Variants in KIAA2012 observed in about 807,000 individuals in gnomAD.
KIAA2012 encodes the protein KIAA2012.
KIAA2012 carries 125 observed loss-of-function variants against 150.6 expected under a neutral mutation model. The ratio of observed to expected loss-of-function variants is 0.83; its 90% CI spans 0.72 to 0.96. KIAA2012 has a LOEUF of 0.96. Among genes scored for constraint, KIAA2012 ranks in the 40% least tolerant of loss-of-function variants. KIAA2012 has a pLI of 0.00. For missense variants in KIAA2012, 1,219 were observed against 1,354.9 expected (o/e 0.90, Z 1.57); for synonymous variants, 462 against 504.7 (o/e 0.92, Z 1.13).
intron 16 of KIAA2012, among the ~76,000 whole-genome samples, chr2:202,186,056 G>A (rs1692220995): frequency 6.6e-6 from 1 of 152,194 alleles, no homozygotes; most frequent in Non-Finnish European, 1.5e-5. Flanking sequence ...CACAGTAACT[G>A]ATATTGCTGC....
At chr2:202,129,727 T>G (rs1216224280) in intron 12 of KIAA2012, among the ~76,000 whole-genome samples, 1 of 151,992 alleles carries the variant, frequency 6.6e-6, no homozygotes, top group African/African-American at 2.4e-5. Context: ...TCTCAGCACT[T>G]TGGGAGGCCA....
rs186876303 is a variant in KIAA2012 at position 202,097,047 on chromosome 2, G to A, written c.686-388G>A. Among the ~76,000 whole-genome samples the A allele has an allele frequency of 5.3e-4, 81 of 152,248 alleles. 1 individual carries two copies. Among genetic ancestry groups the A allele is most frequent in the African/African-American group, 1.8e-3 (74 of 41,556 alleles). On this transcript the variant is annotated intron_variant, in intron 4 of 23. Coordinates refer to ENST00000498697, the MANE Select transcript of KIAA2012 (RefSeq NM_001277372.4). ...GACAACAGAGCAGGCTGCAGGTCAC[G>A]CCACCATAATCACAGCACTGTCATC...
In KIAA2012 at chr2:202,189,219, A is replaced by G. The variant is rs149837219; in HGVS notation, c.2491+953A>G. Among the ~76,000 whole-genome samples, 923 of 152,090 alleles carry G rather than the reference A, an allele frequency of 6.1e-3. 7 individuals carry two copies. The highest frequency in any genetic ancestry group is 0.021 in the African/African-American group (863 of 41,478). ...CAACCTCAAGCCAGACTCTCAAGGT[A>G]TGACTTTCCAGCTGTGTGTACAAGC... is the stretch of plus-strand genomic sequence containing the variant. On this transcript the variant is annotated intron_variant, in intron 18 of 23. Coordinates refer to ENST00000498697, the MANE Select transcript of KIAA2012 (RefSeq NM_001277372.4).
At chr2:202,164,809 G>A (rs1691725255) in intron 14 of KIAA2012, among the ~76,000 whole-genome samples, 1 of 152,122 alleles carries the variant, frequency 6.6e-6, no homozygotes, top group African/African-American at 2.4e-5. Context: ...CCTTCCTCCA[G>A]TAAACTCCTA....
chr2:202,119,274 GAAA>G (rs5837806), intron 11 of KIAA2012, among the ~76,000 whole-genome samples: 6 of 148,740 alleles, frequency 4.0e-5, no homozygotes, highest in African/African-American at 7.4e-5. Flanking sequence ...TCCGTCTCAG[GAAA>G]AAAAAAAAAG....
rs554644211 is a variant in KIAA2012 at position 202,196,486 on chromosome 2, C to T, written c.3188-314C>T. Reference sequence around the variant, plus strand: ...CTGGGATTACAGGCGTGAGCCACCACGCCCGGCCAGGAAGCACCAAGTTTC... The same window carrying T: ...CTGGGATTACAGGCGTGAGCCACCATGCCCGGCCAGGAAGCACCAAGTTTC... On this transcript the variant is annotated intron_variant, in intron 21 of 23. Coordinates refer to ENST00000498697, the MANE Select transcript of KIAA2012 (RefSeq NM_001277372.4). 6.6e-5 allele frequency among the ~76,000 whole-genome samples: 10 copies of T among 152,104 alleles called. No homozygotes were observed. In the East Asian group the frequency reaches 9.7e-4, roughly 15 times the overall value.
Position 202,168,750 on chromosome 2 carries a change from C to T in KIAA2012, c.2119+3394C>T, listed in dbSNP as rs1365832561. 2.0e-5 allele frequency among the ~76,000 whole-genome samples: 3 copies of T among 152,212 alleles called. No homozygotes were observed. The East Asian group carries it at 5.8e-4, about 29-fold the overall frequency. On this transcript the variant is annotated intron_variant, in intron 15 of 23. Transcript: ENST00000498697. ...AACTCCTTGGGACATGACAGAACTG[C>T]TTTAAGAGTCTTAGGAGGAGTGAGA...
intron 15 of KIAA2012, among the ~76,000 whole-genome samples, chr2:202,183,419 C>CA (rs1235156565): frequency 0.011 from 420 of 39,700 alleles, no homozygotes; most frequent in African/African-American, 0.024. Context: ...GGCTCTGTCT[C>CA]AAAAAAAAAA....
At chr2:202,115,353 C>G (rs1377538406) in intron 11 of KIAA2012, 2 of 152,216 alleles carry the variant, frequency 1.3e-5, no homozygotes, top group Admixed American at 6.6e-5. Flanking sequence ...CTACTATATT[C>G]CAGCCCACCC....
intron 2 of KIAA2012, among the ~76,000 whole-genome samples, chr2:202,076,412 C>A (rs957206723): frequency 9.9e-5 from 15 of 152,112 alleles, no homozygotes; most frequent in African/African-American, 3.6e-4. Flanking sequence ...GGCAGAGCTT[C>A]CAAAAGAAAA....
In KIAA2012 at chr2:202,165,662, G is replaced by A. The variant is rs552078022; in HGVS notation, c.2119+306G>A. ...CTTGAACCCAGGAGGCAGAGGTTGC[G>A]GTGAGCTGAGATCGCACCACTGCAC... is the stretch of plus-strand genomic sequence containing the variant. On this transcript the variant is annotated intron_variant, in intron 15 of 23. Coordinates refer to ENST00000498697, the MANE Select transcript of KIAA2012 (RefSeq NM_001277372.4). Among the ~76,000 whole-genome samples the A allele has an allele frequency of 2.8e-3, 428 of 152,038 alleles. 3 individuals are homozygous for A. Among genetic ancestry groups the A allele is most frequent in the African/African-American group, 9.6e-3 (396 of 41,456 alleles).
Position 202,097,538 on chromosome 2 carries a change from C to T in KIAA2012, c.789C>T (p.Arg263=), listed in dbSNP as rs1253989212. The change falls in exon 5 of 24, where the codon CGC becomes CGT. Residue 263 remains arginine (R), a synonymous_variant. Transcript: ENST00000498697. ...HGSQGTRLPP[R]RKQPWQEDET... is the part of the protein sequence containing the mutation. ...GTCAGGGGACTCGCTTGCCACCACG[C>T]AGGAAGCAGCCCTGGCAGGAAGATG... 1 of 1,549,930 alleles carries T rather than the reference C, an allele frequency of 6.5e-7. No homozygotes were observed. The highest frequency in any genetic ancestry group is 1.2e-5 in the South Asian group (1 of 84,020).
intron 11 of KIAA2012, chr2:202,115,275 CTT>C (rs1312104184): frequency 6.6e-6 from 1 of 152,124 alleles, no homozygotes; most frequent in African/African-American, 2.4e-5. Flanking sequence ...ACACCGAACT[CTT>C]TGCAGATCAG....
intron 23 of KIAA2012, among the ~76,000 whole-genome samples, chr2:202,202,910 G>A (rs375166988): frequency 6.6e-6 from 1 of 150,898 alleles, no homozygotes; most frequent in South Asian, 2.1e-4. Context: ...CTGGGTGACA[G>A]AGTGGGACCC....
intron 15 of KIAA2012, 44 bp from the exon 16 acceptor site, chr2:202,184,709 T>C (rs1489875347): frequency 2.9e-6 from 4 of 1,357,662 alleles, no homozygotes; most frequent in Non-Finnish European, 4.0e-6. Flanking sequence ...CCTCCTAGGA[T>C]AACTGCCTGT....
At chr2:202,183,912 AT>A (rs1202180351) in intron 15 of KIAA2012, among the ~76,000 whole-genome samples, 2 of 152,164 alleles carry the variant, frequency 1.3e-5, no homozygotes, top group African/African-American at 2.4e-5. Context: ...TCCAGTTCAT[AT>A]CCGTCCAGAT....
chr2:202,185,289 C>G (rs1001971175), intron 16 of KIAA2012, among the ~76,000 whole-genome samples: 4 of 152,134 alleles, frequency 2.6e-5, no homozygotes, highest in Non-Finnish European at 4.4e-5. Flanking sequence ...ACTGTACTTA[C>G]GCGCTTACTG....
Position 202,088,453 on chromosome 2 carries a change from C to T in KIAA2012, c.370-2317C>T, listed in dbSNP as rs564549810. Among the ~76,000 whole-genome samples the T allele has an allele frequency of 3.1e-4, 47 of 152,324 alleles. 1 individual carries two copies. The South Asian group carries it at 5.6e-3, about 18-fold the overall frequency. ...TAAAATTATTCAGAGAAGAAATTAACATGCCCAAGGATGGGGCAAGATCTC... is the reference window on the plus strand; with the variant it reads ...TAAAATTATTCAGAGAAGAAATTAATATGCCCAAGGATGGGGCAAGATCTC... On this transcript the variant is annotated intron_variant, in intron 2 of 23. Coordinates refer to ENST00000498697, the MANE Select transcript of KIAA2012 (RefSeq NM_001277372.4).
At chr2:202,185,203 G>A (rs1692203869) in intron 16 of KIAA2012, among the ~76,000 whole-genome samples, 1 of 152,126 alleles carries the variant, frequency 6.6e-6, no homozygotes. Flanking sequence ...TCAGCTCTGA[G>A]TAAAATAAAT....
Sources: gnomAD v4.1 joint callset for allele counts (sites outside exome capture counted in the v4.1 genomes callset) on GRCh38, gnomAD v4.1.1 for gene constraint, MANE v1.5 for transcripts, NCBI Gene and HGNC (gene_info 2026-07-23, HGNC 2026-07-21) for gene names.